EHD2: variants seen among roughly 807,000 people sequenced by gnomAD.
The protein encoded by EHD2 is EH domain-containing protein 2.
A neutral mutation model predicts 41.0 loss-of-function variants in EHD2; 27 were observed. That is an observed-to-expected ratio of 0.66 (90% CI 0.49 to 0.91). The LOEUF is 0.91. EHD2 is among the 40% of genes least tolerant of loss of function. The pLI, the probability that EHD2 is intolerant of heterozygous loss-of-function variation, is 0.00. For synonymous variants in EHD2, 342 were observed against 341.0 expected (o/e 1.00, Z -0.03); for missense variants, 673 against 773.9 (o/e 0.87, Z 1.55).
At chr19:47,732,607 G>A (rs1237376710) in intron 4 of EHD2, among the ~76,000 whole-genome samples, 4 of 151,748 alleles carry the variant, frequency 2.6e-5, no homozygotes, top group African/African-American at 4.8e-5. Context: ...TTTTTTTAGA[G>A]ACCAAGTCTT....
At position 47,741,706 on chromosome 19, in the gene EHD2, C is replaced by A. The variant is rs995018031; in HGVS notation, c.*274C>A. Reference sequence around the variant, plus strand: ...TGGCACACGCAGGCATCCATCCATCCGTCATTCATTCAAATATTTATTGAG... The same window carrying A: ...TGGCACACGCAGGCATCCATCCATCAGTCATTCATTCAAATATTTATTGAG... On this transcript the variant is annotated 3_prime_UTR_variant, in exon 6 of 6. Coordinates refer to ENST00000263277, the MANE Select transcript of EHD2 (RefSeq NM_014601.4). This position sits in a 1 kb window ranked among gnomAD's most constrained non-coding sequence, Gnocchi z 4.5. 1 of 626,474 alleles carries A rather than the reference C, an allele frequency of 1.6e-6. No individual in the cohort carries two copies. Among genetic ancestry groups the A allele is most frequent in the Non-Finnish European group, 2.9e-6 (1 of 346,894 alleles). 38.8% of individuals were successfully genotyped at this position (626,474 alleles called of 1,614,324 possible).
intron 4 of EHD2, among the ~76,000 whole-genome samples, chr19:47,728,057 C>T (rs1343604838): frequency 1.4e-5 from 2 of 146,226 alleles, no homozygotes; most frequent in East Asian, 4.0e-4. Context: ...GATTGTACCA[C>T]TGCACTCCAG....
chr19:47,738,037 C>T (rs1027123000), intron 5 of EHD2, among the ~76,000 whole-genome samples: 2 of 151,758 alleles, frequency 1.3e-5, no homozygotes, highest in African/African-American at 2.4e-5. Context: ...TGTGCCACCA[C>T]GTACAGATAA....
chr19:47,731,500 G>C (rs1315163047), intron 4 of EHD2: 1 of 150,820 alleles, frequency 6.6e-6, no homozygotes, highest in East Asian at 2.0e-4. Context: ...AGTAGAGATG[G>C]GTTCTCACCA....
chr19:47,717,368 TC>T (rs1973640280), intron 2 of EHD2, among the ~76,000 whole-genome samples: 1 of 152,030 alleles, frequency 6.6e-6, no homozygotes. Context: ...CGTCTTTCTG[TC>T]CCAGGGGTGC....
chr19:47,740,860 T>C, intron 5 of EHD2, 21 bp from the exon 6 acceptor site: 1 of 1,607,422 alleles, frequency 6.2e-7, no homozygotes, highest in Non-Finnish European at 8.5e-7. Context: ...GAATTCTGGG[T>C]GCCCCTGTCC....
At chr19:47,731,821 T>C (rs1966879655) in intron 4 of EHD2, among the ~76,000 whole-genome samples, 1 of 136,282 alleles carries the variant, frequency 7.3e-6, no homozygotes, top group Non-Finnish European at 1.5e-5. Flanking sequence ...GGAGTCTCGC[T>C]CTGTCGCCTA....
Position 47,725,823 on chromosome 19 carries a change from C to G in EHD2, c.514C>G (p.Pro172Ala). Reference sequence around the variant, plus strand: ...CACTCCCACTCCAGGCTACGACTTCCCGGCCGTGCTGCGCTGGTTCGCGGA... The same window carrying G: ...CACTCCCACTCCAGGCTACGACTTCGCGGCCGTGCTGCGCTGGTTCGCGGA... Reference protein sequence around the residue: ...KQRVSRGYDFPAVLRWFAERV... With the variant: ...KQRVSRGYDFAAVLRWFAERV... The change falls in exon 4 of 6, where the codon CCG (proline) becomes GCG (alanine). Residue 172 changes from proline (P) to alanine (A), a missense_variant. Transcript: ENST00000263277. 6.3e-7 allele frequency: 1 copy of G among 1,582,264 alleles called. No homozygotes were observed. The highest frequency in any genetic ancestry group is 8.6e-7 in the Non-Finnish European group (1 of 1,157,808).
Position 47,717,023 on chromosome 19 carries a change from C to A in EHD2, c.404+7C>A. ...GAAACACCTTCCTCAACAGGTGTGC[C>A]AGCCGCGAGCCCAGGGCGCATCTTT... On this transcript the variant is annotated splice_region_variant and intron_variant, in intron 2 of 5. Transcript: ENST00000263277. 1 of 1,599,206 alleles carries A rather than the reference C, an allele frequency of 6.3e-7. No individual in the cohort carries two copies. Among genetic ancestry groups the A allele is most frequent in the South Asian group, 1.1e-5 (1 of 91,062 alleles).
rs1966998960 is a variant in EHD2, at chr19:47,742,219, CCTT to C, written c.*791_*793del. 9 of 330,194 alleles carry C rather than the reference CCTT, an allele frequency of 2.7e-5. No individual in the cohort carries two copies. The East Asian group carries it at 5.5e-4, about 20-fold the overall frequency. 20.5% of individuals were successfully genotyped at this position (330,194 alleles called of 1,614,324 possible). On this transcript the variant is annotated 3_prime_UTR_variant, in exon 6 of 6. Transcript: ENST00000263277. The stretch of plus-strand genomic sequence containing the variant: ...TACCCATTTCTTTCTTTCCTTCCTT[CCTT>C]CTTTTTTGTTTTTGCCCCCAGTTCT...
At chr19:47,737,162 C>T (rs1376278486) in intron 5 of EHD2, among the ~76,000 whole-genome samples, 1 of 144,890 alleles carries the variant, frequency 6.9e-6, no homozygotes, top group African/African-American at 2.6e-5. Flanking sequence ...ACCCGGGAGG[C>T]GGAGCTTGCA....
In EHD2 at chr19:47,741,162, C is replaced by T. The variant is rs138874482; in HGVS notation, c.1362C>T (p.Asp454=). The change falls in exon 6 of 6, where the codon GAC becomes GAT. Residue 454 remains aspartate, a synonymous_variant. Coordinates refer to ENST00000263277, the MANE Select transcript of EHD2 (RefSeq NM_014601.4). The surrounding 1 kb of genome is among the most constrained non-coding windows in gnomAD (Gnocchi z 4.5). Reference sequence around the variant, plus strand: ...TGACCAAGGACAAGTCCAAATACGACGAGATCTTCTACAACCTGGCGCCTG... The same window carrying T: ...TGACCAAGGACAAGTCCAAATACGATGAGATCTTCTACAACCTGGCGCCTG... The part of the protein sequence containing the change: ...WVVTKDKSKY[D]EIFYNLAPAD... The T allele has an allele frequency of 1.1e-4, 185 of 1,613,296 alleles. No individual in the cohort carries two copies. The East Asian group carries it at 3.9e-3, about 34-fold the overall frequency.
chr19:47,725,927 G>A lies in EHD2; in HGVS notation c.618G>A (p.Ala206=), dbSNP rs1358834376. The A allele has an allele frequency of 6.2e-7, 1 of 1,613,864 alleles. No homozygotes were observed. Among genetic ancestry groups the A allele is most frequent in the Non-Finnish European group, 8.5e-7 (1 of 1,179,894 alleles). The change falls in exon 4 of 6, where the codon GCG becomes GCA. Residue 206 remains alanine (A), a synonymous_variant. Coordinates refer to ENST00000263277, the MANE Select transcript of EHD2 (RefSeq NM_014601.4). Reference sequence around the variant, plus strand: ...ACGAGTTCTCAGAGGCCATCGGCGCGTTGCGGGGCCATGAGGACAAGATCC... The same window carrying A: ...ACGAGTTCTCAGAGGCCATCGGCGCATTGCGGGGCCATGAGGACAAGATCC... The part of the protein sequence containing the change: ...ISDEFSEAIG[A]LRGHEDKIRV...
intron 1 of EHD2, among the ~76,000 whole-genome samples, chr19:47,713,984 C>T (rs994006162): frequency 6.6e-5 from 10 of 152,112 alleles, no homozygotes; most frequent in Admixed American, 3.9e-4. Context: ...GCCTGGGACA[C>T]CGCCCAGAGC....
At chr19:47,723,234 A>G (rs1273815625) in intron 3 of EHD2, among the ~76,000 whole-genome samples, 1 of 152,178 alleles carries the variant, frequency 6.6e-6, no homozygotes, top group African/African-American at 2.4e-5. Flanking sequence ...CTCAGCCTCC[A>G]CACACACAGC....
At chr19:47,715,289 G>C (rs1973613953) in intron 1 of EHD2, among the ~76,000 whole-genome samples, 1 of 151,944 alleles carries the variant, frequency 6.6e-6, no homozygotes, top group African/African-American at 2.4e-5. Context: ...GTGCCCCTGT[G>C]TCTGGCCACC....
At chr19:47,723,597 A>G (rs1167193930) in intron 3 of EHD2, among the ~76,000 whole-genome samples, 1 of 141,458 alleles carries the variant, frequency 7.1e-6, no homozygotes, top group African/African-American at 2.6e-5. Context: ...CAGAGGTTGC[A>G]GTGACCTGAG....
Position 47,719,969 on chromosome 19 carries a change from T to TGA in EHD2, c.502+1364_502+1365dup, listed in dbSNP as rs1973678219. Among the ~76,000 whole-genome samples, 1 of 112,962 alleles carries TGA rather than the reference T, an allele frequency of 8.9e-6. No individual in the cohort carries two copies. Among genetic ancestry groups the TGA allele is most frequent in the Non-Finnish European group, 1.8e-5 (1 of 56,224 alleles). 74.1% of individuals were successfully genotyped at this position (112,962 alleles called of 152,430 possible). On this transcript the variant is annotated intron_variant, in intron 3 of 5. Transcript: ENST00000263277. The surrounding 1 kb of genome is among the most constrained non-coding windows in gnomAD (Gnocchi z 4.1). ...ATATGTGTGTGTGTGTGTGTGTGTGTGACTTTGTGTATATCTTGGGAAAGT... is the reference window on the plus strand; with the variant it reads ...ATATGTGTGTGTGTGTGTGTGTGTGTGAGACTTTGTGTATATCTTGGGAAAGT...
In EHD2 at chr19:47,742,263, C is replaced by G. The variant is rs1966999700; in HGVS notation, c.*831C>G. On this transcript the variant is annotated 3_prime_UTR_variant, in exon 6 of 6. Transcript: ENST00000263277. ...CCCCAGTTCTGTCCACACCCCTTCC[C>G]TTTCCTGTCCTGTCCTTTCTTTCTT... 1 of 287,700 alleles carries G rather than the reference C, an allele frequency of 3.5e-6. No individual in the cohort carries two copies. The highest frequency in any genetic ancestry group is 6.7e-6 in the Non-Finnish European group (1 of 150,164). The allele number at this position is 287,700 out of a possible 1,614,324, so 17.8% of individuals were successfully genotyped here. A position where few individuals can be genotyped will look rare whatever the true frequency, so the allele number is the denominator to read the frequency against.
Sources: allele counts gnomAD v4.1 joint callset (sites outside exome capture counted in the v4.1 genomes callset), GRCh38; gene constraint gnomAD v4.1.1; non-coding constraint Gnocchi (gnomAD v3.1); transcripts MANE v1.5; gene names NCBI Gene and HGNC (gene_info 2026-07-23, HGNC 2026-07-21).